Variants in IGSF11 observed in about 807,000 individuals in gnomAD.
IGSF11 encodes the protein immunoglobulin superfamily member 11, also known as CXADR like 1.
Under a neutral mutation model 41.0 loss-of-function variants are expected in IGSF11, and 22 were observed. The observed-to-expected ratio is 0.54, with a 90% CI of 0.38 to 0.77. The LOEUF is 0.77. IGSF11 is among the 30% of genes least tolerant of loss of function. The probability of loss-of-function intolerance (pLI) is 0.00; values close to 1 mark genes in which losing one functional copy is unlikely to be tolerated. For synonymous variants in IGSF11, 219 were observed against 201.3 expected (o/e 1.09, Z -0.74); for missense variants, 444 against 530.8 (o/e 0.84, Z 1.61).
chr3:119,089,951 G>T (rs566821902), intron 1 of IGSF11, among the ~76,000 whole-genome samples: 1 of 152,262 alleles, frequency 6.6e-6, no homozygotes, highest in East Asian at 1.9e-4. Flanking sequence ...CTTGAACCTG[G>T]GAGGCAGAGG....
intron 1 of IGSF11, among the ~76,000 whole-genome samples, chr3:119,087,397 C>CACAT (rs1374585147): frequency 5.7e-4 from 85 of 149,542 alleles, no homozygotes; most frequent in East Asian, 1.2e-3. Context: ...CACACACACA[C>CACAT]ACACATACAC....
At chr3:119,043,283 C>A (rs1033654173) in intron 1 of IGSF11, among the ~76,000 whole-genome samples, 2 of 152,202 alleles carry the variant, frequency 1.3e-5, no homozygotes, top group African/African-American at 4.8e-5. Flanking sequence ...TTCCCTCCCC[C>A]TGTGCTCTCA....
In IGSF11 at chr3:119,072,931, C is replaced by T. The variant is rs556061969; in HGVS notation, c.49+32213G>A. Reference sequence around the variant, plus strand: ...AGAGAGCTGATTGGTCCGTTTTGACCGGGTGCTGATTGGTGCATTTACAAT... The same window carrying T: ...AGAGAGCTGATTGGTCCGTTTTGACTGGGTGCTGATTGGTGCATTTACAAT... On this transcript the variant is annotated intron_variant, in intron 1 of 6. Coordinates refer to the IGSF11 transcript ENST00000354673. 8.5e-5 allele frequency among the ~76,000 whole-genome samples: 13 copies of T among 152,190 alleles called. No individual in the cohort carries two copies. The East Asian group carries it at 9.7e-4, about 11-fold the overall frequency.
At chr3:119,037,060 A>C (rs1940942946), upstream of IGSF11, among the ~76,000 whole-genome samples, 1 of 152,230 alleles carries the variant, frequency 6.6e-6, no homozygotes, top group South Asian at 2.1e-4. Context: ...ACACTCTCCC[A>C]GGAAACAAAA....
Position 119,098,312 on chromosome 3 carries a change from A to G in IGSF11, c.49+6832T>C, listed in dbSNP as rs201499841. ...ATTCTTTCTTCTTAGAGTGTGAATA[A>G]TAAGTGATATAGTGGAAGCAAAACA... On this transcript the variant is annotated intron_variant, in intron 1 of 6. Coordinates refer to the IGSF11 transcript ENST00000354673. Among the ~76,000 whole-genome samples the G allele has an allele frequency of 3.9e-5, 6 of 152,320 alleles. No homozygotes were observed. In the East Asian group the frequency reaches 1.2e-3, roughly 29 times the overall value.
chr3:119,058,873 G>T (rs1292049858), intron 1 of IGSF11, among the ~76,000 whole-genome samples: 1 of 150,868 alleles, frequency 6.6e-6, no homozygotes, highest in East Asian at 2.0e-4. Flanking sequence ...CTACCACAAG[G>T]ACAAAAAACC....
chr3:119,037,705 G>C (rs938842799), upstream of IGSF11, among the ~76,000 whole-genome samples: 13 of 152,168 alleles, frequency 8.5e-5, no homozygotes, highest in Non-Finnish European at 1.3e-4. Flanking sequence ...CCATCAAAAT[G>C]CTGGACCACT....
At chr3:119,133,453 T>C (rs1355280667) in intron 1 of IGSF11, among the ~76,000 whole-genome samples, 2 of 152,054 alleles carry the variant, frequency 1.3e-5, no homozygotes, top group African/African-American at 4.8e-5. Flanking sequence ...TCTATGCAAA[T>C]AAACTAGAAA....
intron 1 of IGSF11, among the ~76,000 whole-genome samples, chr3:119,048,242 G>C (rs1277518959): frequency 6.6e-6 from 1 of 152,156 alleles, no homozygotes; most frequent in East Asian, 1.9e-4. Flanking sequence ...AAAATTGATA[G>C]ACCGCTAGCA....
intron 1 of IGSF11, among the ~76,000 whole-genome samples, chr3:118,972,696 C>T (rs769341528): frequency 2.6e-5 from 4 of 152,178 alleles, no homozygotes; most frequent in African/African-American, 4.8e-5. Context: ...GAAGCTATAG[C>T]TTAAAGCTTG....
At chr3:119,056,148 A>C (rs889994478) in intron 1 of IGSF11, among the ~76,000 whole-genome samples, 7 of 144,694 alleles carry the variant, frequency 4.8e-5, no homozygotes, top group East Asian at 1.9e-4. Context: ...AAATAGAGAC[A>C]AAAAAAACCC....
chr3:119,124,218 T>C (rs2077370081), intron 1 of IGSF11, among the ~76,000 whole-genome samples: 1 of 149,306 alleles, frequency 6.7e-6, no homozygotes, highest in Admixed American at 6.7e-5. Context: ...TAAGCACACA[T>C]TCTGGAGCTG....
At chr3:118,986,469 T>C (rs774767445) in intron 1 of IGSF11, among the ~76,000 whole-genome samples, 11 of 152,226 alleles carry the variant, frequency 7.2e-5, no homozygotes, top group Non-Finnish European at 1.2e-4. Flanking sequence ...TAGTTTCTAA[T>C]ATAGGCACAA....
At chr3:118,982,064 A>G (rs1934780013) in intron 1 of IGSF11, 1 of 152,240 alleles carries the variant, frequency 6.6e-6, no homozygotes, top group Admixed American at 6.5e-5. Flanking sequence ...CATACACTGG[A>G]CACAAGTCAG....
intron 1 of IGSF11, among the ~76,000 whole-genome samples, chr3:119,070,741 T>C (rs2076386986): frequency 1.3e-5 from 2 of 152,108 alleles, no homozygotes; most frequent in African/African-American, 2.4e-5. Context: ...CAAGAGGAAA[T>C]TGGGGACAAT....
At chr3:119,013,719 G>T (rs1163131540) in intron 1 of IGSF11, among the ~76,000 whole-genome samples, 1 of 152,262 alleles carries the variant, frequency 6.6e-6, no homozygotes, top group Non-Finnish European at 1.5e-5. Context: ...CAAAAGATAC[G>T]TTAGAGACCA....
rs1055903400 is a variant in IGSF11 at position 119,051,183 on chromosome 3, CA to C, written c.49+53960del. Among the ~76,000 whole-genome samples, 84 of 145,792 alleles carry C rather than the reference CA, an allele frequency of 5.8e-4. No homozygotes were observed. In the Middle Eastern group the frequency reaches 0.01, roughly 18 times the overall value. ...AATAAATAAATAAATAAATAAATTT[CA>C]AAAAAAAAATCCCACAAACAAGTAT... is the stretch of plus-strand genomic sequence containing the variant. On this transcript the variant is annotated intron_variant, in intron 1 of 6. Coordinates refer to the IGSF11 transcript ENST00000354673.
intron 1 of IGSF11, among the ~76,000 whole-genome samples, chr3:118,998,766 TTAATC>T (rs1282872005): frequency 6.6e-6 from 1 of 152,146 alleles, no homozygotes; most frequent in African/African-American, 2.4e-5. Context: ...AATTTGCCCT[TTAATC>T]TACGCTCATT....
chr3:119,034,882 C>T (rs938169750), upstream of IGSF11: 41 of 1,151,686 alleles, frequency 3.6e-5, no homozygotes, highest in African/African-American at 9.6e-5. Context: ...AGCCACTCCC[C>T]CCAACTCACG....
Sources: allele counts gnomAD v4.1 joint callset (sites outside exome capture counted in the v4.1 genomes callset), GRCh38; gene constraint gnomAD v4.1.1; transcripts MANE v1.5; gene names NCBI Gene and HGNC (gene_info 2026-07-23, HGNC 2026-07-21).